Variants in RBFOX1 observed in about 807,000 individuals in gnomAD.
The protein encoded by RBFOX1 is RNA binding fox-1 homolog 1, also known as RNA binding protein fox-1 homolog 1.
In RBFOX1, 8 loss-of-function variants were observed where a neutral mutation model predicts 57.7. The ratio of observed to expected loss-of-function variants is 0.14; its 90% CI spans 0.08 to 0.25. RBFOX1 has a LOEUF of 0.25. Ranked by LOEUF, RBFOX1 falls within the 10% of genes least tolerant of loss-of-function variation. The pLI, the probability that RBFOX1 is intolerant of heterozygous loss-of-function variation, is 1.00. For missense variants in RBFOX1, 611 were observed against 548.5 expected, an observed-to-expected ratio of 1.11 and a Z score of -1.14; for synonymous variants, 326 against 222.4, an observed-to-expected ratio of 1.47 and a Z score of -4.15.
intron 7 of RBFOX1, among the ~76,000 whole-genome samples, chr16:7,592,690 G>C (rs1054045279): frequency 1.3e-5 from 2 of 152,196 alleles, no homozygotes; most frequent in Non-Finnish European, 2.9e-5. Flanking sequence ...GGGAGGAAGA[G>C]AACGTTGCCA....
intron 3 of RBFOX1, among the ~76,000 whole-genome samples, chr16:6,744,467 C>G (rs1034851920): frequency 6.6e-6 from 1 of 151,714 alleles, no homozygotes; most frequent in Non-Finnish European, 1.5e-5. Context: ...TTTTTTTAAT[C>G]AATAAATTTA....
chr16:6,989,189 C>T (rs1360761118), intron 3 of RBFOX1, among the ~76,000 whole-genome samples: 1 of 152,160 alleles, frequency 6.6e-6, no homozygotes, highest in Non-Finnish European at 1.5e-5. Flanking sequence ...AGCCACTGTG[C>T]TTGGCCTCTT....
chr16:7,686,143 G>A (rs2076016056), intron 14 of RBFOX1, among the ~76,000 whole-genome samples: 1 of 151,876 alleles, frequency 6.6e-6, no homozygotes, highest in Non-Finnish European at 1.5e-5. Context: ...ATTAGCAGCA[G>A]CAGCATCACT....
chr16:7,702,703 G>T (rs1034631634), intron 14 of RBFOX1, among the ~76,000 whole-genome samples: 6 of 152,134 alleles, frequency 3.9e-5, no homozygotes, highest in African/African-American at 1.2e-4. Flanking sequence ...ATTGCTGAAA[G>T]CCGAGCATTT....
At chr16:6,931,267 A>T (rs919797519) in intron 3 of RBFOX1, among the ~76,000 whole-genome samples, 3 of 150,556 alleles carry the variant, frequency 2.0e-5, no homozygotes, top group Admixed American at 6.7e-5. Flanking sequence ...ACCAAAAAAA[A>T]AAAATCTATC....
intron 4 of RBFOX1, among the ~76,000 whole-genome samples, chr16:7,124,510 C>T (rs1451477458): frequency 1.1e-4 from 7 of 63,734 alleles, no homozygotes; most frequent in Non-Finnish European, 2.1e-4. Context: ...GCTCCCCCTC[C>T]CCTCCCCTCC....
intron 9 of RBFOX1, among the ~76,000 whole-genome samples, chr16:7,604,488 A>T (rs776110496): frequency 6.6e-6 from 1 of 152,202 alleles, no homozygotes; most frequent in Non-Finnish European, 1.5e-5. Context: ...GATGAAGGAG[A>T]GTATCATTTA....
intron 12 of RBFOX1, among the ~76,000 whole-genome samples, chr16:7,655,531 T>C (rs1368873709): frequency 6.6e-6 from 1 of 152,224 alleles, no homozygotes; most frequent in Non-Finnish European, 1.5e-5. Context: ...AATTTTTATC[T>C]CTGGTATCAC....
chr16:6,155,754 G>C (rs1567577040), intron 1 of RBFOX1, among the ~76,000 whole-genome samples: 1 of 152,152 alleles, frequency 6.6e-6, no homozygotes, highest in Non-Finnish European at 1.5e-5. Context: ...GGCTAACAGC[G>C]GCGGCTTCCA....
At chr16:7,533,728 T>A (rs1397221716) in intron 5 of RBFOX1, among the ~76,000 whole-genome samples, 1 of 152,228 alleles carries the variant, frequency 6.6e-6, no homozygotes, top group East Asian at 1.9e-4. Context: ...TGATTTCTAC[T>A]GAATGTGTAT....
chr16:5,286,370 G>T lies in RBFOX1; in HGVS notation c.219+46265G>T, dbSNP rs373484984. On this transcript the variant is annotated intron_variant, in intron 1 of 2. Coordinates refer to the RBFOX1 transcript ENST00000585867. ...CTAGTTCTCCAGGTGATGTGTGCAG[G>T]TTCTCGTGGTGGGTAAGCTGGCGTT... Among the ~76,000 whole-genome samples the T allele has an allele frequency of 7.0e-4, 107 of 152,282 alleles. 2 individuals are homozygous for T. In the South Asian group the frequency reaches 0.021, roughly 30 times the overall value.
intron 4 of RBFOX1, among the ~76,000 whole-genome samples, chr16:7,488,536 C>G (rs2066029323): frequency 6.6e-6 from 1 of 151,430 alleles, no homozygotes; most frequent in Non-Finnish European, 1.5e-5. Context: ...ATCTACCTGT[C>G]ATTCTGTCTA....
At chr16:7,107,728 A>G (rs2063863165) in intron 4 of RBFOX1, among the ~76,000 whole-genome samples, 1 of 152,112 alleles carries the variant, frequency 6.6e-6, no homozygotes, top group Non-Finnish European at 1.5e-5. Flanking sequence ...GGAATCATAG[A>G]GGAGGTGGAG....
chr16:6,824,511 T>G (rs891733174), intron 3 of RBFOX1, among the ~76,000 whole-genome samples: 1 of 152,218 alleles, frequency 6.6e-6, no homozygotes, highest in African/African-American at 2.4e-5. Flanking sequence ...ATATTTCATT[T>G]TTTAAAAATT....
chr16:7,041,670 C>G (rs185489924), intron 3 of RBFOX1, among the ~76,000 whole-genome samples: 12 of 152,214 alleles, frequency 7.9e-5, no homozygotes, highest in African/African-American at 2.6e-4. Flanking sequence ...TCAAACCTTT[C>G]GAAAGGAATC....
intron 1 of RBFOX1, among the ~76,000 whole-genome samples, chr16:6,073,087 C>T (rs1297037665): frequency 6.6e-6 from 1 of 152,192 alleles, no homozygotes; most frequent in Non-Finnish European, 1.5e-5. Flanking sequence ...GAATTTGCAT[C>T]TAATGAATTT....
At chr16:5,637,849 G>A (rs772918642) in intron 3 of RBFOX1, among the ~76,000 whole-genome samples, 1 of 152,154 alleles carries the variant, frequency 6.6e-6, no homozygotes, top group South Asian at 2.1e-4. Flanking sequence ...GATTCCAGGG[G>A]CCTCTCCTAC....
chr16:7,460,832 C>G (rs1012983885), intron 4 of RBFOX1, among the ~76,000 whole-genome samples: 3 of 152,126 alleles, frequency 2.0e-5, no homozygotes, highest in East Asian at 1.9e-4. Context: ...CAGCCTCCCT[C>G]CCAAAATTTC....
At chr16:5,900,943 A>G (rs2058291405) in intron 4 of RBFOX1, among the ~76,000 whole-genome samples, 2 of 152,232 alleles carry the variant, frequency 1.3e-5, no homozygotes, top group South Asian at 2.1e-4. Flanking sequence ...AGAGACTGAC[A>G]GTGCAGTGGC....
Sources: gnomAD v4.1 joint callset for allele counts (sites outside exome capture counted in the v4.1 genomes callset) on GRCh38, gnomAD v4.1.1 for gene constraint, MANE v1.5 for transcripts, NCBI Gene and HGNC (gene_info 2026-07-23, HGNC 2026-07-21) for gene names.